Variants in GYG1 observed in about 807,000 individuals in gnomAD.
GYG1 encodes glycogenin 1.
In GYG1, 44 loss-of-function variants were observed where a neutral mutation model predicts 41.9. That is an observed-to-expected ratio of 1.05 (90% confidence interval 0.83 to 1.35). The LOEUF (loss-of-function observed/expected upper bound fraction) is 1.35. Among genes scored for constraint, GYG1 ranks in the 40% most tolerant of loss-of-function variants. The probability of loss-of-function intolerance (pLI) is 0.00; values close to 1 mark genes in which losing one functional copy is unlikely to be tolerated. For missense variants in GYG1, 429 were observed against 418.9 expected (o/e 1.02, Z -0.21); for synonymous variants, 141 against 158.1 (o/e 0.89, Z 0.81).
rs776360129 is a variant in GYG1 at position 148,994,163 on chromosome 3, C to T, written c.29C>T (p.Thr10Ile). The change falls in exon 2 of 8, where the codon ACC (threonine) becomes ATC (isoleucine). Residue 10 changes from threonine (T) to isoleucine (I), a missense_variant. Coordinates refer to ENST00000345003, the MANE Select transcript of GYG1 (RefSeq NM_004130.4). MTDQAFVTL[T>I]TNDAYAKGAL... ...TAAGATCAGGCCTTTGTGACACTAA[C>T]CACAAACGATGCCTACGCCAAAGGT... 1 of 1,613,180 alleles carries T rather than the reference C, an allele frequency of 6.2e-7. No individual in the cohort carries two copies. Among genetic ancestry groups the T allele is most frequent in the Non-Finnish European group, 8.5e-7 (1 of 1,179,334 alleles).
rs750527885 is a variant in GYG1, at chr3:148,991,619, C to A, written c.-22C>A. ...GTCACCAACCTGAGGCTGCCCCGGCCGCCTGCGCACCCGGCAGCACCATGA... is the reference window on the plus strand; with the variant it reads ...GTCACCAACCTGAGGCTGCCCCGGCAGCCTGCGCACCCGGCAGCACCATGA... On this transcript the variant is annotated 5_prime_UTR_variant, in exon 1 of 8. Transcript: ENST00000345003. 4 of 1,555,080 alleles carry A rather than the reference C, an allele frequency of 2.6e-6. No individual in the cohort carries two copies. Among genetic ancestry groups the A allele is most frequent in the South Asian group, 1.2e-5 (1 of 85,806 alleles).
At chr3:149,019,995 C>T (rs1159191568) in intron 5 of GYG1, among the ~76,000 whole-genome samples, 2 of 152,168 alleles carry the variant, frequency 1.3e-5, no homozygotes, top group East Asian at 1.9e-4. Context: ...ACCATTGTGC[C>T]CTTCCTCTGC....
intron 5 of GYG1, among the ~76,000 whole-genome samples, chr3:149,016,381 C>CTGAA (rs1385309786): frequency 6.6e-6 from 1 of 151,276 alleles, no homozygotes; most frequent in African/African-American, 2.4e-5. Flanking sequence ...TATGTTTTGG[C>CTGAA]TGAATGAATG....
chr3:149,000,747 C>T (rs1713049537), intron 4 of GYG1, among the ~76,000 whole-genome samples: 1 of 152,172 alleles, frequency 6.6e-6, no homozygotes, highest in Non-Finnish European at 1.5e-5. Context: ...ATTTTGATTA[C>T]TGCAGTGTAA....
At chr3:149,007,564 T>C (rs1713471427) in intron 4 of GYG1, among the ~76,000 whole-genome samples, 2 of 152,236 alleles carry the variant, frequency 1.3e-5, no homozygotes, top group Non-Finnish European at 2.9e-5. Flanking sequence ...ACTTGGACTT[T>C]AAACCTAAAG....
intron 4 of GYG1, chr3:149,001,739 T>G (rs1454903067): frequency 6.6e-6 from 1 of 152,484 alleles, no homozygotes; most frequent in African/African-American, 2.4e-5. Context: ...TGAACCAGGG[T>G]CCTTCTCAAC....
chr3:149,019,758 G>A (rs367743607), intron 5 of GYG1, among the ~76,000 whole-genome samples: 1 of 152,200 alleles, frequency 6.6e-6, no homozygotes, highest in Non-Finnish European at 1.5e-5. Context: ...TGAAATGCAG[G>A]GTGTGGATTG....
chr3:149,023,562 A>G (rs1714482711), intron 5 of GYG1, among the ~76,000 whole-genome samples: 1 of 152,180 alleles, frequency 6.6e-6, no homozygotes, highest in Non-Finnish European at 1.5e-5. Context: ...TCTGTCCACA[A>G]TGGATTGGTG....
At chr3:149,008,988 T>C in intron 4 of GYG1, 1 of 339,792 alleles carries the variant, frequency 2.9e-6, no homozygotes, top group South Asian at 2.9e-5. Flanking sequence ...TGAAACCCCA[T>C]CTCTACTAAA....
chr3:149,021,054 T>C (rs751495432), intron 5 of GYG1, among the ~76,000 whole-genome samples: 10 of 152,220 alleles, frequency 6.6e-5, no homozygotes, highest in Non-Finnish European at 8.8e-5. Flanking sequence ...GTCATCTGAC[T>C]CTTTCCCATG....
chr3:149,007,832 A>G (rs1266059373), intron 4 of GYG1, among the ~76,000 whole-genome samples: 1 of 152,108 alleles, frequency 6.6e-6, no homozygotes, highest in East Asian at 1.9e-4. Context: ...ACATGCACAC[A>G]CATCGTGAAC....
intron 5 of GYG1, among the ~76,000 whole-genome samples, chr3:149,023,497 G>T (rs1394489740): frequency 6.6e-6 from 1 of 152,216 alleles, no homozygotes; most frequent in Non-Finnish European, 1.5e-5. Flanking sequence ...TGTACAGCAT[G>T]AGCATTTTTA....
chr3:149,000,465 C>A (rs1472907527), intron 4 of GYG1, among the ~76,000 whole-genome samples: 1 of 152,184 alleles, frequency 6.6e-6, no homozygotes, highest in Non-Finnish European at 1.5e-5. Flanking sequence ...AGAGAGAGCT[C>A]ATTATATTGT....
At chr3:149,020,423 G>A (rs1714302271) in intron 5 of GYG1, among the ~76,000 whole-genome samples, 1 of 152,216 alleles carries the variant, frequency 6.6e-6, no homozygotes, top group Non-Finnish European at 1.5e-5. Flanking sequence ...AAGAGCCTTG[G>A]CTCTGCAGCC....
rs936924228 is a variant in GYG1, at chr3:149,026,961, C to G, written c.*28C>G. 6.2e-7 allele frequency: 1 copy of G among 1,608,406 alleles called. No individual in the cohort carries two copies. The highest frequency in any genetic ancestry group is 1.3e-5 in the African/African-American group (1 of 74,974). ...ACACTGCATTTTTCTGTGAACACAT[C>G]CACTTCACAAGCCTTGTTTCTGATA... On this transcript the variant is annotated 3_prime_UTR_variant, in exon 8 of 8. Coordinates refer to ENST00000345003, the MANE Select transcript of GYG1 (RefSeq NM_004130.4).
chr3:149,016,274 A>AAC (rs1714030175), intron 5 of GYG1, among the ~76,000 whole-genome samples: 1 of 147,770 alleles, frequency 6.8e-6, no homozygotes, highest in Non-Finnish European at 1.5e-5. Context: ...AAAAAAAAAA[A>AAC]AACAAAAAAG....
Position 149,006,080 on chromosome 3 carries a change from C to CTTTT in GYG1, c.482-3179_482-3176dup, listed in dbSNP as rs34268321. The stretch of plus-strand genomic sequence containing the variant: ...CATCACAAGGACCCTTCATCATATT[C>CTTTT]TTTTTTTTTTTTTTTTTTTTGAGAC... On this transcript the variant is annotated intron_variant, in intron 4 of 7. Transcript: ENST00000345003. 1.9e-4 allele frequency among the ~76,000 whole-genome samples: 22 copies of CTTTT among 117,200 alleles called. 1 individual carries two copies. Among genetic ancestry groups the CTTTT allele is most frequent in the African/African-American group, 3.0e-4 (9 of 30,320 alleles). 76.9% of individuals were successfully genotyped at this position (117,200 alleles called of 152,430 possible).
intron 1 of GYG1, among the ~76,000 whole-genome samples, chr3:148,993,654 A>G (rs1347928138): frequency 6.6e-6 from 1 of 152,200 alleles, no homozygotes; most frequent in Non-Finnish European, 1.5e-5. Flanking sequence ...AAAAATACAT[A>G]CATACATACA....
rs1016435968 is a variant in GYG1, at chr3:148,996,625, G to A, written c.319-117G>A. The A allele has an allele frequency of 1.2e-5, 15 of 1,204,256 alleles. No homozygotes were observed. The Admixed American group carries it at 1.7e-4, about 14-fold the overall frequency. 74.6% of individuals were successfully genotyped at this position (1,204,256 alleles called of 1,614,324 possible). A position where few individuals can be genotyped will look rare whatever the true frequency, so the allele number is the denominator to read the frequency against. ...ATATGTCAGGGGATGAAGGAGAGGA[G>A]GCCCAGGCTGCCTTACAGCTGTCAC... On this transcript the variant is annotated intron_variant, in intron 3 of 7. Transcript: ENST00000345003.
Sources: allele counts gnomAD v4.1 joint callset (sites outside exome capture counted in the v4.1 genomes callset), GRCh38; gene constraint gnomAD v4.1.1; transcripts MANE v1.5; gene names NCBI Gene and HGNC (gene_info 2026-07-23, HGNC 2026-07-21).